USH2A: variants seen among roughly 807,000 people sequenced by gnomAD.
The protein encoded by USH2A is Usher syndrome 2A (autosomal recessive, mild).
In USH2A, 443 loss-of-function variants were observed where a neutral mutation model predicts 538.9. The ratio of observed to expected loss-of-function variants is 0.82; its 90% CI spans 0.76 to 0.89. The LOEUF is 0.89. USH2A is among the 40% of genes least tolerant of loss of function. USH2A has a pLI of 0.00. For missense variants in USH2A, 6,633 were observed against 6,324.8 expected (o/e 1.05, Z -1.65); for synonymous variants, 2,413 against 2,273.5 (o/e 1.06, Z -1.75).
chr1:215,644,755 A>G (rs1430487039), intron 67 of USH2A, among the ~76,000 whole-genome samples: 1 of 152,214 alleles, frequency 6.6e-6, no homozygotes, highest in Non-Finnish European at 1.5e-5. Flanking sequence ...ATTTTCATCC[A>G]GTGCTGAGGA....
At chr1:215,881,898 C>T (rs928278695) in intron 41 of USH2A, among the ~76,000 whole-genome samples, 7 of 152,124 alleles carry the variant, frequency 4.6e-5, no homozygotes, top group African/African-American at 1.7e-4. Context: ...GAACGATTGA[C>T]TTTCAGCAGC....
In USH2A at chr1:215,708,510, C is replaced by T. The variant is rs113355938; in HGVS notation, c.12066+19520G>A. ...CCCAACCTTTTGGGCACCAGGGATC[C>T]GTTTCATGGAAGACAATTTTTCCAT... On this transcript the variant is annotated intron_variant, in intron 61 of 71. Coordinates refer to ENST00000307340, the MANE Select transcript of USH2A (RefSeq NM_206933.4). Among the ~76,000 whole-genome samples, 1,035 of 152,212 alleles carry T rather than the reference C, an allele frequency of 6.8e-3. 15 individuals carry two copies. The highest frequency in any genetic ancestry group is 0.024 in the African/African-American group (979 of 41,530).
chr1:216,259,304 GA>G (rs58727610), intron 11 of USH2A, among the ~76,000 whole-genome samples: 97 of 152,072 alleles, frequency 6.4e-4, no homozygotes, highest in African/African-American at 2.1e-3. Context: ...CAAAGGAAGG[GA>G]AAAAAAGATG....
chr1:215,947,405 A>T (rs1666786103), intron 37 of USH2A, among the ~76,000 whole-genome samples: 1 of 152,328 alleles, frequency 6.6e-6, no homozygotes, highest in East Asian at 1.9e-4. Context: ...TAGAAAATTC[A>T]AAATTATATA....
At chr1:216,237,494 TAAAAAAA>T (rs59074625) in intron 13 of USH2A, among the ~76,000 whole-genome samples, 5 of 114,296 alleles carry the variant, frequency 4.4e-5, no homozygotes, top group African/African-American at 6.6e-5. Context: ...GACTCCGTCT[TAAAAAAA>T]AAAAAAAAAA....
At chr1:216,065,694 C>T (rs956121733) in intron 30 of USH2A, among the ~76,000 whole-genome samples, 9 of 152,036 alleles carry the variant, frequency 5.9e-5, no homozygotes, top group Admixed American at 1.3e-4. Context: ...GTCAGGAGTT[C>T]GAGACCAGCC....
rs1655984366 is a variant in USH2A, at chr1:215,625,474, T to G, written c.*307A>C. On this transcript the variant is annotated 3_prime_UTR_variant, in exon 72 of 72. Transcript: ENST00000307340. ...GCCATCTTGAAATTGCCACTGATTA[T>G]TCAGTTAACCAGGAGCATCACTGCC... 2.5e-6 allele frequency: 1 copy of G among 403,794 alleles called. No homozygotes were observed. Among genetic ancestry groups the G allele is most frequent in the Non-Finnish European group, 4.6e-6 (1 of 217,118 alleles). 25.0% of individuals were successfully genotyped at this position (403,794 alleles called of 1,614,324 possible).
chr1:216,199,160 TA>T (rs547906982), intron 17 of USH2A, among the ~76,000 whole-genome samples: 2 of 152,230 alleles, frequency 1.3e-5, no homozygotes, highest in African/African-American at 2.4e-5. Context: ...GTCTGGCCTA[TA>T]TAACCAAGGG....
chr1:215,680,030 C>T (rs1571953173), intron 62 of USH2A, 119 bp downstream of exon 62: 1 of 991,928 alleles, frequency 1.0e-6, no homozygotes, highest in South Asian at 1.3e-5. Context: ...GAGGAGCTAT[C>T]AAGGAGAATT....
chr1:215,910,132 T>C (rs1021223997), intron 38 of USH2A, among the ~76,000 whole-genome samples: 1 of 152,032 alleles, frequency 6.6e-6, no homozygotes, highest in African/African-American at 2.4e-5. Flanking sequence ...GAATGCTTGT[T>C]CATGAATCTT....
intron 21 of USH2A, among the ~76,000 whole-genome samples, chr1:216,104,872 G>A (rs2032691805): frequency 6.6e-6 from 1 of 152,174 alleles, no homozygotes; most frequent in Non-Finnish European, 1.5e-5. Context: ...ACTACCATCA[G>A]AGTGAACAGG....
rs1571686105 is a variant in USH2A, at chr1:215,786,773, T to C, written c.10284A>G (p.Ile3428Met). ...TCCCTGTGGAATTGTGAGACCCTCT[T>C]ATCACAGTGCAAATGTGGCTGGTAA... Reference protein sequence around the residue: ...FNFTSHICTVIRGSHNSTGKA... With the variant: ...FNFTSHICTVMRGSHNSTGKA... The change falls in exon 52 of 72, where the codon ATA (isoleucine) becomes ATG (methionine). Residue 3428 changes from isoleucine to methionine, a missense_variant. Transcript: ENST00000307340. The C allele has an allele frequency of 6.2e-7, 1 of 1,614,010 alleles. No homozygotes were observed. The highest frequency in any genetic ancestry group is 1.3e-5 in the African/African-American group (1 of 75,034).
At chr1:215,805,062 C>G (rs1291120329) in intron 49 of USH2A, among the ~76,000 whole-genome samples, 3 of 151,690 alleles carry the variant, frequency 2.0e-5, no homozygotes, top group African/African-American at 7.3e-5. Context: ...TATGTTGTCA[C>G]TCATAGGTGG....
chr1:216,385,282 G>T (rs577887534), intron 3 of USH2A, among the ~76,000 whole-genome samples: 148 of 152,290 alleles, frequency 9.7e-4, no homozygotes, highest in African/African-American at 3.5e-3. Flanking sequence ...CAGGAAAGGG[G>T]TCCCTAAAGG....
intron 21 of USH2A, among the ~76,000 whole-genome samples, chr1:216,165,507 C>T (rs1452263971): frequency 2.6e-5 from 4 of 152,126 alleles, no homozygotes; most frequent in African/African-American, 4.8e-5. Flanking sequence ...TTTTCTTACA[C>T]ATCTAAGGCC....
chr1:216,093,781 C>A (rs1261022083), intron 22 of USH2A, among the ~76,000 whole-genome samples: 2 of 152,186 alleles, frequency 1.3e-5, no homozygotes, highest in African/African-American at 4.8e-5. Context: ...CAATGAGTGT[C>A]ATTCTGTTCA....
Position 215,782,888 on chromosome 1 carries a change from A to G in USH2A, c.10435T>C (p.Trp3479Arg). ...CTGAGTCCTCGCCCATAGCTGTTCC[A>G]GGCAGAAATCCTGTACTCATATGTC... ...YMTYEYRISAWNSYGRGLSKA... is the reference protein window; with the variant it reads ...YMTYEYRISARNSYGRGLSKA... The change falls in exon 53 of 72, where the codon TGG (tryptophan) becomes CGG (arginine). Residue 3479 changes from tryptophan (W) to arginine (R), a missense_variant. Trp to Arg is a moderately radical substitution (Grantham distance 101). Transcript: ENST00000307340. 6.2e-7 allele frequency: 1 copy of G among 1,613,806 alleles called. No individual in the cohort carries two copies. Among genetic ancestry groups the G allele is most frequent in the Non-Finnish European group, 8.5e-7 (1 of 1,179,848 alleles).
chr1:215,892,905 AT>A (rs1665244009), intron 40 of USH2A, among the ~76,000 whole-genome samples: 1 of 152,088 alleles, frequency 6.6e-6, no homozygotes, highest in African/African-American at 2.4e-5. Flanking sequence ...TTCGGGAACT[AT>A]TTTTCTCTAT....
chr1:215,697,494 C>A (rs79179740), intron 61 of USH2A, among the ~76,000 whole-genome samples: 2 of 150,602 alleles, frequency 1.3e-5, no homozygotes, highest in Non-Finnish European at 2.9e-5. Context: ...TTTCTGTAAT[C>A]CTACTTCTGC....
Sources: allele counts gnomAD v4.1 joint callset (sites outside exome capture counted in the v4.1 genomes callset), GRCh38; gene constraint gnomAD v4.1.1; transcripts MANE v1.5; gene names NCBI Gene and HGNC (gene_info 2026-07-23, HGNC 2026-07-21).